Variants in PDZD8 observed in about 807,000 individuals in gnomAD.
The protein encoded by PDZD8 is PDZ domain-containing protein 8.
Under a neutral mutation model 85.8 loss-of-function variants are expected in PDZD8, and 14 were observed. The observed-to-expected ratio is 0.16, with a 90% CI of 0.11 to 0.26. The LOEUF is 0.26. Among genes scored for constraint, PDZD8 ranks in the 10% least tolerant of loss-of-function variants. PDZD8 has a pLI of 1.00. For missense variants in PDZD8, 1,197 were observed against 1,424.3 expected, an observed-to-expected ratio of 0.84 and a Z score of 2.57; for synonymous variants, 592 against 568.6, an observed-to-expected ratio of 1.04 and a Z score of -0.59.
In PDZD8 at chr10:117,285,133, G is replaced by A; in HGVS notation, c.1600C>T (p.Leu534Phe). The A allele has an allele frequency of 1.2e-6, 2 of 1,614,088 alleles. No individual in the cohort carries two copies. The highest frequency in any genetic ancestry group is 1.7e-6 in the Non-Finnish European group (2 of 1,179,948). Residue 534 changes from leucine (L) to phenylalanine (F), a missense_variant, in exon 5 of 5, where the codon CTT becomes TTT. This residue lies in a region of PDZD8 where 263 missense variants were observed against 261.9 expected (regional missense o/e 1.00). Transcript: ENST00000334464. ...RVPTTLSIKP[L>F]GAISPVLNRK... Reference sequence around the variant, plus strand: ...TTTAAAACTGGTGATATAGCTCCAAGGGGTTTAATAGAAAGTGTTGTTGGA... The same window carrying A: ...TTTAAAACTGGTGATATAGCTCCAAAGGGTTTAATAGAAAGTGTTGTTGGA...
intron 3 of PDZD8, among the ~76,000 whole-genome samples, chr10:117,310,837 T>C (rs1182173313): frequency 6.6e-6 from 1 of 152,184 alleles, no homozygotes; most frequent in Non-Finnish European, 1.5e-5. Flanking sequence ...CAAAATGCTA[T>C]CTGCAAGGAA....
At chr10:117,350,707 T>C (rs1330711815) in intron 1 of PDZD8, among the ~76,000 whole-genome samples, 2 of 151,040 alleles carry the variant, frequency 1.3e-5, no homozygotes, top group African/African-American at 4.9e-5. Context: ...ATCGAGACCA[T>C]CCTGGCTAAC....
At chr10:117,311,006 T>C (rs1199392022) in intron 3 of PDZD8, among the ~76,000 whole-genome samples, 2 of 152,174 alleles carry the variant, frequency 1.3e-5, no homozygotes, top group Non-Finnish European at 2.9e-5. Context: ...ATGACAGAGG[T>C]GGGCTTGTAG....
chr10:117,347,753 T>C (rs750198495), intron 1 of PDZD8, among the ~76,000 whole-genome samples: 3 of 151,922 alleles, frequency 2.0e-5, no homozygotes, highest in Non-Finnish European at 4.4e-5. Context: ...GTGAAACACA[T>C]AATGGGAGAA....
intron 3 of PDZD8, among the ~76,000 whole-genome samples, chr10:117,307,181 A>C (rs1369596749): frequency 6.6e-6 from 1 of 152,112 alleles, no homozygotes; most frequent in Non-Finnish European, 1.5e-5. Flanking sequence ...CTAAAAAGTT[A>C]ACAGTGATCT....
intron 3 of PDZD8, among the ~76,000 whole-genome samples, chr10:117,296,450 A>T (rs1479520179): frequency 6.6e-6 from 1 of 152,144 alleles, no homozygotes; most frequent in African/African-American, 2.4e-5. Context: ...TACAAATTCA[A>T]CACAATCCCA....
chr10:117,327,931 A>G (rs1844345412), intron 2 of PDZD8, among the ~76,000 whole-genome samples: 1 of 152,184 alleles, frequency 6.6e-6, no homozygotes, highest in African/African-American at 2.4e-5. Context: ...CTTTTAGTGG[A>G]TATTCAAATA....
Position 117,318,929 on chromosome 10 carries a change from GC to G in PDZD8, c.1040del (p.Cys347SerfsTer5). ...GSYDREANVH[C>X]TLELSSSVWE... The stretch of plus-strand genomic sequence containing the variant: ...AAACACTACTGCTTAACTCAAGTGT[GC>G]AATGAACATTTGCCTCTCTGTCATA... On this transcript the variant is annotated frameshift_variant, in exon 3 of 5. Transcript: ENST00000334464. LOFTEE classifies it high-confidence loss of function. The G allele has an allele frequency of 6.2e-7, 1 of 1,612,228 alleles. No individual in the cohort carries two copies. The highest frequency in any genetic ancestry group is 8.5e-7 in the Non-Finnish European group (1 of 1,178,860).
chr10:117,283,940 T>C lies in PDZD8; in HGVS notation c.2793A>G (p.Thr931=). The change falls in exon 5 of 5, where the codon ACA becomes ACG. Residue 931 remains threonine (T), a synonymous_variant. Coordinates refer to ENST00000334464, the MANE Select transcript of PDZD8 (RefSeq NM_173791.5). ...TGATAATATGCCTTGTCAAACCTGT[T>C]GTTTTATTGACTGACTTGCTAGCTT... ...DAEASKSVNK[T]TGLTRHIINT... is the part of the protein sequence containing the mutation. The C allele has an allele frequency of 1.2e-6, 2 of 1,614,236 alleles. No individual in the cohort carries two copies. Among genetic ancestry groups the C allele is most frequent in the Non-Finnish European group, 1.7e-6 (2 of 1,180,042 alleles).
At chr10:117,338,177 C>T (rs564771660) in intron 2 of PDZD8, among the ~76,000 whole-genome samples, 73 of 152,172 alleles carry the variant, frequency 4.8e-4, no homozygotes, top group Non-Finnish European at 5.3e-4. Flanking sequence ...AAGTTTTTAA[C>T]GGAAAGAATG....
At chr10:117,337,903 A>T (rs1304186891) in intron 2 of PDZD8, among the ~76,000 whole-genome samples, 2 of 152,194 alleles carry the variant, frequency 1.3e-5, no homozygotes, top group African/African-American at 4.8e-5. Flanking sequence ...ATGAAGTAAT[A>T]AGCATTTTTT....
chr10:117,319,464 A>G (rs1229905024), intron 2 of PDZD8, among the ~76,000 whole-genome samples: 1 of 151,360 alleles, frequency 6.6e-6, no homozygotes, highest in Non-Finnish European at 1.5e-5. Flanking sequence ...CCTCAGGCAA[A>G]TTATTTAACT....
At chr10:117,316,681 C>A (rs1345068661) in intron 3 of PDZD8, among the ~76,000 whole-genome samples, 2 of 152,116 alleles carry the variant, frequency 1.3e-5, no homozygotes, top group African/African-American at 4.8e-5. Context: ...CAGAGCGAGA[C>A]CCTGTCTCTA....
Position 117,366,028 on chromosome 10 carries a change from G to A in PDZD8, c.872+8328C>T, listed in dbSNP as rs7920895. Among the ~76,000 whole-genome samples, 1,124 of 151,574 alleles carry A rather than the reference G, an allele frequency of 7.4e-3. 9 individuals are homozygous for A. Among genetic ancestry groups the A allele is most frequent in the African/African-American group, 0.025 (1,052 of 41,298 alleles). On this transcript the variant is annotated intron_variant, in intron 1 of 4. Coordinates refer to ENST00000334464, the MANE Select transcript of PDZD8 (RefSeq NM_173791.5). ...TCTAGAGTCCCTCAGCCTGCTATAT[G>A]AAATCTTAAGAGGAAAAAAAAAAGA...
intron 1 of PDZD8, among the ~76,000 whole-genome samples, chr10:117,359,706 G>A (rs182021341): frequency 2.2e-4 from 33 of 152,206 alleles, no homozygotes; most frequent in Admixed American, 6.5e-4. Flanking sequence ...GTGAGACTCC[G>A]TCTCAAAAAC....
chr10:117,330,087 C>A (rs1400066839), intron 2 of PDZD8, among the ~76,000 whole-genome samples: 1 of 142,818 alleles, frequency 7.0e-6, no homozygotes, highest in East Asian at 2.1e-4. Flanking sequence ...GGTGACTAAA[C>A]TTAATTTGAA....
chr10:117,368,864 T>G lies in PDZD8; in HGVS notation c.872+5492A>C, dbSNP rs1265627078. Among the ~76,000 whole-genome samples, 99 of 136,980 alleles carry G rather than the reference T, an allele frequency of 7.2e-4. 1 individual carries two copies. The highest frequency in any genetic ancestry group is 2.4e-3 in the African/African-American group (93 of 38,714). 89.9% of individuals were successfully genotyped at this position (136,980 alleles called of 152,430 possible). ...TATATTGACAATGTTTTTTTTTTTT[T>G]TTTTTTTTTTTGAGACAGTCTCACT... On this transcript the variant is annotated intron_variant, in intron 1 of 4. Transcript: ENST00000334464.
At chr10:117,366,776 T>C (rs1360567586) in intron 1 of PDZD8, among the ~76,000 whole-genome samples, 1 of 152,204 alleles carries the variant, frequency 6.6e-6, no homozygotes, top group African/African-American at 2.4e-5. Context: ...CCAGGACCTT[T>C]TACATTTAGG....
In PDZD8 at chr10:117,319,376, A is replaced by C. The variant is rs1844186118; in HGVS notation, c.996-402T>G. Among the ~76,000 whole-genome samples the C allele has an allele frequency of 2.7e-5, 4 of 146,302 alleles. No individual in the cohort carries two copies. In the South Asian group the frequency reaches 8.9e-4, roughly 33 times the overall value. On this transcript the variant is annotated intron_variant, in intron 2 of 4. Coordinates refer to ENST00000334464, the MANE Select transcript of PDZD8 (RefSeq NM_173791.5). Reference sequence around the variant, plus strand: ...AAAACACATACACACACTAAAGTGCAATATAATTGCTCATAAACACACACA... The same window carrying C: ...AAAACACATACACACACTAAAGTGCCATATAATTGCTCATAAACACACACA...
Sources: allele counts gnomAD v4.1 joint callset (sites outside exome capture counted in the v4.1 genomes callset), GRCh38; gene constraint gnomAD v4.1.1; regional missense constraint gnomAD v4.1.1; transcripts MANE v1.5; gene names NCBI Gene and HGNC (gene_info 2026-07-23, HGNC 2026-07-21).